VPS13B: variants seen among roughly 807,000 people sequenced by gnomAD.
The protein encoded by VPS13B is vacuolar protein sorting 13 homolog B, also known as intermembrane lipid transfer protein VPS13B.
VPS13B carries 285 observed loss-of-function variants against 426.4 expected under a neutral mutation model. The ratio of observed to expected loss-of-function variants is 0.67; its 90% confidence interval spans 0.61 to 0.74. The LOEUF (loss-of-function observed/expected upper bound fraction) is 0.74, where lower values mean the gene tolerates loss of function less well. VPS13B is among the 30% of genes least tolerant of loss of function. VPS13B has a pLI of 0.00. For missense variants in VPS13B, 4,537 were observed against 4,782.6 expected (o/e 0.95, Z 1.51); for synonymous variants, 1,676 against 1,676.4 (o/e 1.00, Z 0.01).
intron 35 of VPS13B, among the ~76,000 whole-genome samples, chr8:99,671,628 C>T (rs1186302227): frequency 1.3e-5 from 2 of 152,036 alleles, no homozygotes; most frequent in African/African-American, 2.4e-5. Flanking sequence ...AGTCTTCAAT[C>T]TATTTTGAAG....
At chr8:99,252,480 T>A (rs1817552905) in intron 17 of VPS13B, among the ~76,000 whole-genome samples, 2 of 152,094 alleles carry the variant, frequency 1.3e-5, no homozygotes, top group Admixed American at 1.3e-4. Context: ...TTATCTACCT[T>A]GTTAGGTGTT....
chr8:99,030,212 G>GT lies in VPS13B; in HGVS notation c.148-8203dup, dbSNP rs1168780930. ...TTCTTCTCATTCTTTTTAATTATCT[G>GT]TTTTTTTTGTTTTTTTTTTTCGGCT... On this transcript the variant is annotated intron_variant, in intron 2 of 61. Transcript: ENST00000357162. 2.2e-3 allele frequency among the ~76,000 whole-genome samples: 65 copies of GT among 29,038 alleles called. 2 individuals carry two copies. Among genetic ancestry groups the GT allele is most frequent in the Admixed American group, 4.2e-3 (16 of 3,842 alleles). 19.1% of individuals were successfully genotyped at this position (29,038 alleles called of 152,430 possible). A position where few individuals can be genotyped will look rare whatever the true frequency, so the allele number is the denominator to read the frequency against.
rs757595357 is a variant in VPS13B, at chr8:99,848,781, G to A, written c.9948G>A (p.Val3316=). The A allele has an allele frequency of 1.2e-5, 19 of 1,613,858 alleles. No homozygotes were observed. The African/African-American group carries it at 1.7e-4, about 15-fold the overall frequency. Reference sequence around the variant, plus strand: ...TTTGAATATTCTTTCTGCAGGTTGTGTTCCTGACTGGCTTTGGCTATGTGT... The same window carrying A: ...TTTGAATATTCTTTCTGCAGGTTGTATTCCTGACTGGCTTTGGCTATGTGT... The part of the protein sequence containing the change: ...IDINSQGTQV[V]FLTGFGYVYV... The change falls in exon 55 of 62, where the codon GTG becomes GTA. Residue 3316 remains valine, a synonymous_variant. Coordinates refer to ENST00000357162, the MANE Select transcript of VPS13B (RefSeq NM_152564.5).
At chr8:99,101,049 A>T (rs997205637) in intron 4 of VPS13B, among the ~76,000 whole-genome samples, 2 of 152,206 alleles carry the variant, frequency 1.3e-5, no homozygotes, top group African/African-American at 4.8e-5. Flanking sequence ...TCTCAAAAAA[A>T]AAAAAAGTTC....
intron 45 of VPS13B, 22 bp from the exon 46 acceptor site, chr8:99,818,429 C>A: frequency 6.2e-7 from 1 of 1,608,442 alleles, no homozygotes; most frequent in Non-Finnish European, 8.5e-7. Context: ...TTCAATAGGA[C>A]CCTTTGCTAT....
chr8:99,579,486 C>G (rs1257541607), intron 33 of VPS13B, among the ~76,000 whole-genome samples: 1 of 152,118 alleles, frequency 6.6e-6, no homozygotes, highest in Non-Finnish European at 1.5e-5. Flanking sequence ...TAACTTCCAC[C>G]TCTCAGGTTC....
intron 33 of VPS13B, among the ~76,000 whole-genome samples, chr8:99,625,566 A>G (rs1265177062): frequency 6.6e-6 from 1 of 152,038 alleles, no homozygotes; most frequent in Non-Finnish European, 1.5e-5. Context: ...AATAATAATA[A>G]ACAATAGACC....
At chr8:99,434,791 T>C (rs866648613) in intron 22 of VPS13B, among the ~76,000 whole-genome samples, 47 of 152,222 alleles carry the variant, frequency 3.1e-4, no homozygotes, top group Admixed American at 1.3e-4. Context: ...GAGTTATGAC[T>C]CTTTTAGGGA....
intron 30 of VPS13B, among the ~76,000 whole-genome samples, chr8:99,521,909 T>C (rs989661965): frequency 6.6e-6 from 1 of 152,244 alleles, no homozygotes; most frequent in Non-Finnish European, 1.5e-5. Context: ...TTATAATTTC[T>C]TCCTTTGACT....
chr8:99,083,246 G>T (rs1288620689), intron 3 of VPS13B, among the ~76,000 whole-genome samples: 3 of 152,182 alleles, frequency 2.0e-5, no homozygotes, highest in South Asian at 2.1e-4. Context: ...GTTCACTCAT[G>T]ATTTGGCTCT....
At chr8:99,196,562 G>A (rs1813946113) in intron 17 of VPS13B, among the ~76,000 whole-genome samples, 1 of 150,670 alleles carries the variant, frequency 6.6e-6, no homozygotes, top group Non-Finnish European at 1.5e-5. Context: ...CCACCTCCTG[G>A]GTTTGTAACT....
At chr8:99,665,406 T>G (rs1285776532) in intron 35 of VPS13B, among the ~76,000 whole-genome samples, 1 of 152,198 alleles carries the variant, frequency 6.6e-6, no homozygotes, top group Admixed American at 6.5e-5. Flanking sequence ...GCCTATGTCC[T>G]GAATGGTATT....
At chr8:99,338,293 G>A (rs2133176894) in intron 19 of VPS13B, among the ~76,000 whole-genome samples, 1 of 152,134 alleles carries the variant, frequency 6.6e-6, no homozygotes, top group Non-Finnish European at 1.5e-5. Flanking sequence ...AGAACAAAAT[G>A]GACATTTTGA....
At chr8:99,258,656 G>C (rs1477492885) in intron 17 of VPS13B, among the ~76,000 whole-genome samples, 3 of 151,918 alleles carry the variant, frequency 2.0e-5, no homozygotes, top group African/African-American at 7.2e-5. Context: ...ATTAGCGTAA[G>C]TTTTCTTTGC....
At chr8:99,018,837 G>A (rs1185166656) in intron 2 of VPS13B, among the ~76,000 whole-genome samples, 3 of 152,090 alleles carry the variant, frequency 2.0e-5, no homozygotes, top group Non-Finnish European at 4.4e-5. Flanking sequence ...CACTTAATGA[G>A]TTGATATATG....
At chr8:99,242,617 A>C (rs934797025) in intron 17 of VPS13B, among the ~76,000 whole-genome samples, 1 of 152,318 alleles carries the variant, frequency 6.6e-6, no homozygotes, top group Middle Eastern at 3.4e-3. Context: ...TCAGTTTTGC[A>C]TCTGAAACAC....
chr8:99,383,205 C>A (rs910474288), intron 19 of VPS13B, among the ~76,000 whole-genome samples: 1 of 152,064 alleles, frequency 6.6e-6, no homozygotes, highest in Non-Finnish European at 1.5e-5. Flanking sequence ...GTTACACTTC[C>A]GCTTTGTGTT....
chr8:99,516,667 A>G (rs2133653929), intron 29 of VPS13B, among the ~76,000 whole-genome samples: 1 of 151,878 alleles, frequency 6.6e-6, no homozygotes, highest in African/African-American at 2.4e-5. Context: ...CCGGGCTTGT[A>G]GTCCCAGCTA....
intron 34 of VPS13B, among the ~76,000 whole-genome samples, chr8:99,649,533 G>A (rs1011224346): frequency 6.6e-6 from 1 of 151,516 alleles, no homozygotes; most frequent in African/African-American, 2.4e-5. Context: ...TTTCAGGTGT[G>A]TTTACCTTTA....
Sources: allele counts gnomAD v4.1 joint callset (sites outside exome capture counted in the v4.1 genomes callset), GRCh38; gene constraint gnomAD v4.1.1; transcripts MANE v1.5; gene names NCBI Gene and HGNC (gene_info 2026-07-23, HGNC 2026-07-21).